NDUFS1: variants seen among roughly 807,000 people sequenced by gnomAD.
NDUFS1 encodes NADH:ubiquinone oxidoreductase core subunit S1.
A neutral mutation model predicts 84.4 loss-of-function variants in NDUFS1; 61 were observed. That is an observed-to-expected ratio of 0.72 (90% CI 0.59 to 0.89). The LOEUF (loss-of-function observed/expected upper bound fraction) is 0.89. NDUFS1 is among the 40% of genes least tolerant of loss of function. NDUFS1 has a pLI of 0.00. For synonymous variants in NDUFS1, 275 were observed against 290.0 expected (o/e 0.95, Z 0.53); for missense variants, 891 against 890.0 (o/e 1.00, Z -0.01).
At chr2:206,149,779 C>A (rs758942680) in intron 4 of NDUFS1, 39 bp downstream of exon 4, 11 of 1,446,120 alleles carry the variant, frequency 7.6e-6, no homozygotes, top group Non-Finnish European at 9.7e-6. Context: ...AAGTTTTCTA[C>A]CTTCTACAGC....
Position 206,157,937 on chromosome 2 carries a change from A to G in NDUFS1, c.-5+1404T>C, listed in dbSNP as rs1280537681. On this transcript the variant is annotated intron_variant, in intron 1 of 18. Transcript: ENST00000233190. ...TACCACCCTATCCCAATCCACCATC[A>G]CTCCTTGCCTGGAGTATTTCAATAG... Among the ~76,000 whole-genome samples, 3 of 127,574 alleles carry G rather than the reference A, an allele frequency of 2.4e-5. No homozygotes were observed. In the East Asian group the frequency reaches 6.7e-4, roughly 28 times the overall value. 83.7% of individuals were successfully genotyped at this position (127,574 alleles called of 152,430 possible).
At position 206,118,525 on chromosome 2, in the gene NDUFS1, C is replaced by T. The variant is rs1691013710; in HGVS notation, c.*5660G>A. The stretch of plus-strand genomic sequence containing the variant: ...CCTGTAGTCCCAGCCACTTGGGAGA[C>T]TGAAGTGGGAGGATGGCTTGAGCCC... On this transcript the variant is annotated 3_prime_UTR_variant, in exon 19 of 19. Coordinates refer to ENST00000233190, the MANE Select transcript of NDUFS1 (RefSeq NM_005006.7). 6.6e-6 allele frequency: 1 copy of T among 152,242 alleles called. No homozygotes were observed. The highest frequency in any genetic ancestry group is 1.5e-5 in the Non-Finnish European group (1 of 68,160). 9.4% of individuals were successfully genotyped at this position (152,242 alleles called of 1,614,324 possible). A position where few individuals can be genotyped will look rare whatever the true frequency, so the allele number is the denominator to read the frequency against.
intron 14 of NDUFS1, 130 bp from the exon 15 acceptor site, chr2:206,130,372 G>C (rs578093766): frequency 8.3e-7 from 1 of 1,204,112 alleles, no homozygotes; most frequent in Non-Finnish European, 1.2e-6. Context: ...TTTTTTTCTC[G>C]GCGATAGAGT....
intron 10 of NDUFS1, among the ~76,000 whole-genome samples, chr2:206,143,776 T>C (rs1037250493): frequency 6.6e-6 from 1 of 152,204 alleles, no homozygotes; most frequent in Non-Finnish European, 1.5e-5. Context: ...AATTGCTGAA[T>C]TGTGCAACTT....
chr2:206,143,231 C>A (rs556833861), intron 10 of NDUFS1, among the ~76,000 whole-genome samples: 1 of 152,294 alleles, frequency 6.6e-6, no homozygotes, highest in South Asian at 2.1e-4. Context: ...GCACTCCAGC[C>A]TGGGCGACAA....
chr2:206,154,610 TTC>T (rs1687560670), intron 1 of NDUFS1, among the ~76,000 whole-genome samples: 1 of 152,150 alleles, frequency 6.6e-6, no homozygotes, highest in Non-Finnish European at 1.5e-5. Flanking sequence ...TTACCAAAAC[TTC>T]TTTTTATTTG....
chr2:206,131,429 C>T (rs1363414229), intron 14 of NDUFS1, among the ~76,000 whole-genome samples: 1 of 152,140 alleles, frequency 6.6e-6, no homozygotes. Context: ...GTAGGAAATT[C>T]TCATTTGGCA....
At chr2:206,137,689 T>G (rs1478865701) in intron 13 of NDUFS1, among the ~76,000 whole-genome samples, 1 of 151,892 alleles carries the variant, frequency 6.6e-6, no homozygotes, top group Non-Finnish European at 1.5e-5. Context: ...CAGGCAACCA[T>G]GAGCCACCTT....
At chr2:206,124,613 G>A (rs1397854799) in intron 18 of NDUFS1, among the ~76,000 whole-genome samples, 1 of 152,136 alleles carries the variant, frequency 6.6e-6, no homozygotes, top group African/African-American at 2.4e-5. Context: ...GCCGAGGCAG[G>A]TGGATCACGA....
At chr2:206,158,435 G>A (rs892486484) in intron 1 of NDUFS1, among the ~76,000 whole-genome samples, 7 of 152,054 alleles carry the variant, frequency 4.6e-5, no homozygotes, top group African/African-American at 1.4e-4. Context: ...TAACATTTAC[G>A]ATTCCCCCAG....
rs1166054262 is a variant in NDUFS1 at position 206,114,919 on chromosome 2, G to C, written c.*9266C>G. The C allele has an allele frequency of 6.6e-6, 1 of 152,082 alleles. No homozygotes were observed. Among genetic ancestry groups the C allele is most frequent in the African/African-American group, 2.4e-5 (1 of 41,416 alleles). The allele number at this position is 152,082 out of a possible 1,614,324, so 9.4% of individuals were successfully genotyped here. On this transcript the variant is annotated 3_prime_UTR_variant, in exon 19 of 19. Transcript: ENST00000233190. ...ACACATTATTGTACACTTAATTTAT[G>C]TCCTTAATACATTCTGAAGCACTTT...
chr2:206,119,649 A>C lies in NDUFS1; in HGVS notation c.*4536T>G, dbSNP rs1361095446. On this transcript the variant is annotated 3_prime_UTR_variant, in exon 19 of 19. Coordinates refer to ENST00000233190, the MANE Select transcript of NDUFS1 (RefSeq NM_005006.7). ...GCTGGTCTCGAAAACTCCTGACCTC[A>C]GGTGATCCGCCTGCCTCGGCCTCCC... The C allele has an allele frequency of 7.2e-5, 11 of 152,116 alleles. No homozygotes were observed. The highest frequency in any genetic ancestry group is 5.9e-4 in the Admixed American group (9 of 15,262). The allele number at this position is 152,116 out of a possible 1,614,324, so 9.4% of individuals were successfully genotyped here.
chr2:206,150,023 TTCTATCTATCTA>T (rs3217140), intron 3 of NDUFS1, 98 bp from the exon 4 acceptor site: 21 of 691,648 alleles, frequency 3.0e-5, no homozygotes, highest in Middle Eastern at 3.5e-4. Context: ...ATCTTATTAC[TTCTATCTATCTA>T]TCTATCTATC....
chr2:206,139,904 A>G (rs943989076), intron 12 of NDUFS1, among the ~76,000 whole-genome samples: 1 of 150,212 alleles, frequency 6.7e-6, no homozygotes, highest in Non-Finnish European at 1.5e-5. Context: ...CAAAAAAGGG[A>G]CCAGAAGAGT....
At position 206,142,757 on chromosome 2, in the gene NDUFS1, G is replaced by T; in HGVS notation, c.1062C>A (p.Leu354=). 1 of 1,614,136 alleles carries T rather than the reference G, an allele frequency of 6.2e-7. No homozygotes were observed. The highest frequency in any genetic ancestry group is 8.5e-7 in the Non-Finnish European group (1 of 1,180,030). The part of the protein sequence containing the change: ...GLVDAEALVA[L]KDLLNRVDSD... ...AGTCCACTCTATTAAGCAAATCTTTGAGAGCTACCAGGGCTTCAGCATCCA... is the reference window on the plus strand; with the variant it reads ...AGTCCACTCTATTAAGCAAATCTTTTAGAGCTACCAGGGCTTCAGCATCCA... Residue 354 remains leucine (L), a synonymous_variant, in exon 11 of 19, where the codon CTC becomes CTA. Transcript: ENST00000233190.
chr2:206,153,880 A>G (rs536375293), intron 1 of NDUFS1, among the ~76,000 whole-genome samples, 198 bp from the exon 2 acceptor site: 95 of 152,374 alleles, frequency 6.2e-4, no homozygotes, highest in Admixed American at 1.6e-3. Context: ...AGAGCTAAGC[A>G]GCAGCAGCTA....
chr2:206,149,888 C>A lies in NDUFS1; in HGVS notation c.191G>T (p.Cys64Phe). 1 of 1,488,160 alleles carries A rather than the reference C, an allele frequency of 6.7e-7. No individual in the cohort carries two copies. The allele number at this position is 1,488,160 out of a possible 1,614,324, so 92.2% of individuals were successfully genotyped here. A position where few individuals can be genotyped will look rare whatever the true frequency, so the allele number is the denominator to read the frequency against. Reference protein sequence around the residue: ...EKVGMQIPRFCYHERLSVAGN... With the variant: ...EKVGMQIPRFFYHERLSVAGN... ...AGCAACAGACAACCTTTCATGATAACAGAATCGAGGGATCTGCATGCCAAC... is the reference window on the plus strand; with the variant it reads ...AGCAACAGACAACCTTTCATGATAAAAGAATCGAGGGATCTGCATGCCAAC... The change falls in exon 4 of 19, where the codon TGT becomes TTT. Residue 64 changes from cysteine (C) to phenylalanine (F), a missense_variant. Transcript: ENST00000233190.
Position 206,133,403 on chromosome 2 carries a change from T to A in NDUFS1, c.1393-298A>T, listed in dbSNP as rs73067813. ...TGTGGTCAGAATAACTATGGGCAGG[T>A]CCCAGAAAAATTGGGGAACTTCTCT... On this transcript the variant is annotated intron_variant, in intron 13 of 18. Coordinates refer to ENST00000233190, the MANE Select transcript of NDUFS1 (RefSeq NM_005006.7). Among the ~76,000 whole-genome samples the A allele has an allele frequency of 8.8e-3, 1,339 of 152,280 alleles. 18 individuals carry two copies. Among genetic ancestry groups the A allele is most frequent in the African/African-American group, 0.031 (1,272 of 41,550 alleles).
Position 206,120,942 on chromosome 2 carries a change from G to A in NDUFS1, c.*3243C>T, listed in dbSNP as rs756904039. 4 of 152,160 alleles carry A rather than the reference G, an allele frequency of 2.6e-5. No individual in the cohort carries two copies. The highest frequency in any genetic ancestry group is 9.7e-5 in the African/African-American group (4 of 41,424). The allele number at this position is 152,160 out of a possible 1,614,324, so 9.4% of individuals were successfully genotyped here. On this transcript the variant is annotated 3_prime_UTR_variant, in exon 19 of 19. Transcript: ENST00000233190. ...GCTCAGCTATTCACCTTACATTGCT[G>A]TCCAAAATGTTTTCATTTGAGGCAA...
Sources: gnomAD v4.1 joint callset for allele counts (sites outside exome capture counted in the v4.1 genomes callset) on GRCh38, gnomAD v4.1.1 for gene constraint, MANE v1.5 for transcripts, NCBI Gene and HGNC (gene_info 2026-07-23, HGNC 2026-07-21) for gene names.